The following TOMM34 variants were observed in gnomAD, a reference collection of about 807,000 sequenced individuals.
The protein encoded by TOMM34 is mitochondrial import receptor subunit TOM34.
In TOMM34, 24 loss-of-function variants were observed where a neutral mutation model predicts 37.4. The observed-to-expected ratio is 0.64, with a 90% CI of 0.46 to 0.90. The LOEUF (loss-of-function observed/expected upper bound fraction) is 0.90, where lower values mean the gene tolerates loss of function less well. Among genes scored for constraint, TOMM34 ranks in the 40% least tolerant of loss-of-function variants. TOMM34 has a pLI of 0.00. For missense variants in TOMM34, 304 were observed against 375.6 expected (o/e 0.81, Z 1.58); for synonymous variants, 154 against 148.9 (o/e 1.03, Z -0.25).
At chr20:44,946,098 A>G (rs1409009003) in intron 5 of TOMM34, among the ~76,000 whole-genome samples, 2 of 152,134 alleles carry the variant, frequency 1.3e-5, no homozygotes, top group African/African-American at 4.8e-5. Context: ...ACCTCAAGCA[A>G]TCTGCCCACC....
intron 5 of TOMM34, among the ~76,000 whole-genome samples, chr20:44,944,422 A>C (rs1430363327): frequency 6.6e-6 from 1 of 152,204 alleles, no homozygotes; most frequent in Non-Finnish European, 1.5e-5. Context: ...GTATTCACTA[A>C]GTTGGATGTA....
At position 44,948,816 on chromosome 20, in the gene TOMM34, T is replaced by C; in HGVS notation, c.612A>G (p.Val204=). The C allele has an allele frequency of 1.2e-6, 2 of 1,614,144 alleles. No individual in the cohort carries two copies. The highest frequency in any genetic ancestry group is 2.2e-5 in the South Asian group (2 of 91,086). ...TAGCTTTCTTATGGTTTCCCTTCTT[T>C]ACAAGCTCATTGCCTTCTTCCTTCA... is the stretch of plus-strand genomic sequence containing the variant. ...RVLKEEGNEL[V]KKGNHKKAIE... Residue 204 remains valine (V), a synonymous_variant, in exon 5 of 7, where the codon GTA becomes GTG. Transcript: ENST00000372813.
In TOMM34 at chr20:44,955,217, T is replaced by C. The variant is rs770568980; in HGVS notation, c.231A>G (p.Ala77=). The C allele has an allele frequency of 1.6e-5, 26 of 1,612,914 alleles. No homozygotes were observed. The South Asian group carries it at 1.8e-4, about 11-fold the overall frequency. ...TAATGCTGAAGGGAACCAAGGCCAG[T>C]GCTCTAGAATAGGAGGCAAAAATGT... The part of the protein sequence containing the change: ...CRDCIKDCTS[A]LALVPFSIKP... The change falls in exon 3 of 7, where the codon GCA becomes GCG. Residue 77 remains alanine, a synonymous_variant. Coordinates refer to ENST00000372813, the MANE Select transcript of TOMM34 (RefSeq NM_006809.5).
At chr20:44,957,956 T>C (rs1402086213) in intron 1 of TOMM34, among the ~76,000 whole-genome samples, 1 of 152,160 alleles carries the variant, frequency 6.6e-6, no homozygotes, top group African/African-American at 2.4e-5. Context: ...AAAAATTTTT[T>C]TGATAAGCTA....
intron 3 of TOMM34, among the ~76,000 whole-genome samples, chr20:44,954,383 GT>G (rs755799037): frequency 3.3e-5 from 5 of 152,204 alleles, no homozygotes; most frequent in Non-Finnish European, 4.4e-5. Context: ...AATCAGATAA[GT>G]TAAAAAGGAG....
At chr20:44,949,026 A>G in intron 4 of TOMM34, 149 bp from the exon 5 acceptor site, 7 of 1,053,118 alleles carry the variant, frequency 6.6e-6, no homozygotes, top group Non-Finnish European at 9.2e-6. Context: ...TTCCTGATTA[A>G]TGACTTCCCC....
In TOMM34 at chr20:44,956,389, G is replaced by T; in HGVS notation, c.224C>A (p.Thr75Asn). The change falls in exon 2 of 7, where the codon ACT (threonine) becomes AAT (asparagine). Residue 75 changes from threonine to asparagine, a missense_variant. Coordinates refer to ENST00000372813, the MANE Select transcript of TOMM34 (RefSeq NM_006809.5). ...GNCRDCIKDCTSALALVPFSI... is the reference protein window; with the variant it reads ...GNCRDCIKDCNSALALVPFSI... ...AAAATTACCCTTGGCCACTTACGAA[G>T]TGCAATCTTTGATGCAGTCTCTGCA... The T allele has an allele frequency of 6.2e-7, 1 of 1,614,116 alleles. No homozygotes were observed. The highest frequency in any genetic ancestry group is 8.5e-7 in the Non-Finnish European group (1 of 1,179,978).
In TOMM34 at chr20:44,955,153, C is replaced by T. The variant is rs1232782375; in HGVS notation, c.295G>A (p.Glu99Lys). Residue 99 changes from glutamate to lysine, a missense_variant, in exon 3 of 7, where the codon GAG becomes AAG. By Grantham distance (56) the Glu-to-Lys change is moderately conservative. Coordinates refer to ENST00000372813, the MANE Select transcript of TOMM34 (RefSeq NM_006809.5). Reference sequence around the variant, plus strand: ...TCAACATAGGCCATAGGGTACTTCTCCAGAGCCTCATAAGCAGATGCTCGC... The same window carrying T: ...TCAACATAGGCCATAGGGTACTTCTTCAGAGCCTCATAAGCAGATGCTCGC... The part of the protein sequence containing the change: ...LRRASAYEAL[E>K]KYPMAYVDYK... The T allele has an allele frequency of 6.2e-7, 1 of 1,614,184 alleles. No homozygotes were observed. Among genetic ancestry groups the T allele is most frequent in the Admixed American group, 1.7e-5 (1 of 60,028 alleles).
intron 2 of TOMM34, 166 bp from the exon 3 acceptor site, chr20:44,955,386 G>A (rs567364046): frequency 3.7e-5 from 28 of 748,092 alleles, no homozygotes; most frequent in South Asian, 8.4e-5. Context: ...ATTTTTCAAC[G>A]TAGACTGAAG....
At chr20:44,950,617 G>T (rs2067018243) in intron 4 of TOMM34, among the ~76,000 whole-genome samples, 1 of 152,226 alleles carries the variant, frequency 6.6e-6, no homozygotes, top group African/African-American at 2.4e-5. Context: ...CTGATTGAAA[G>T]AATGAAATCA....
chr20:44,958,470 G>A (rs562360405), intron 1 of TOMM34: 64 of 457,968 alleles, frequency 1.4e-4, no homozygotes, highest in South Asian at 8.0e-4. Context: ...GGTGGAAAGG[G>A]CATCAACCCT....
chr20:44,950,441 T>C (rs1396343571), intron 4 of TOMM34, among the ~76,000 whole-genome samples: 1 of 152,250 alleles, frequency 6.6e-6, no homozygotes, highest in Non-Finnish European at 1.5e-5. Context: ...ACTGTTTACA[T>C]GTCTCAGTCC....
rs1449689989 is a variant in TOMM34, at chr20:44,955,297, G to A, written c.228-77C>T. On this transcript the variant is annotated intron_variant, in intron 2 of 6. Transcript: ENST00000372813. Reference sequence around the variant, plus strand: ...TTCCCTACAGTTTCTTCCAGGCAGGGTTATCTGGAGCACTCAGCGTACAGG... The same window carrying A: ...TTCCCTACAGTTTCTTCCAGGCAGGATTATCTGGAGCACTCAGCGTACAGG... 8 of 1,553,100 alleles carry A rather than the reference G, an allele frequency of 5.2e-6. No individual in the cohort carries two copies. In the East Asian group the frequency reaches 1.8e-4, roughly 35 times the overall value.
Position 44,942,901 on chromosome 20 carries a change from G to A in TOMM34, c.*208C>T. The A allele has an allele frequency of 1.7e-6, 1 of 603,722 alleles. No individual in the cohort carries two copies. Among genetic ancestry groups the A allele is most frequent in the Non-Finnish European group, 3.0e-6 (1 of 337,666 alleles). 37.4% of individuals were successfully genotyped at this position (603,722 alleles called of 1,614,324 possible). ...GCTTAGCTCTAGTGGGGACCTTTCT[G>A]GTGCAACAACCATGTCTGTGTTTGA... is the stretch of plus-strand genomic sequence containing the variant. On this transcript the variant is annotated 3_prime_UTR_variant, in exon 7 of 7. Coordinates refer to ENST00000372813, the MANE Select transcript of TOMM34 (RefSeq NM_006809.5).
Position 44,955,224 on chromosome 20 carries a change from G to C in TOMM34, c.228-4C>G, listed in dbSNP as rs951395399. 1 of 1,611,770 alleles carries C rather than the reference G, an allele frequency of 6.2e-7. No homozygotes were observed. Among genetic ancestry groups the C allele is most frequent in the Non-Finnish European group, 8.5e-7 (1 of 1,178,978 alleles). On this transcript the variant is annotated splice_polypyrimidine_tract_variant and splice_region_variant and intron_variant, in intron 2 of 6. Transcript: ENST00000372813. ...GAAGGGAACCAAGGCCAGTGCTCTA[G>C]AATAGGAGGCAAAAATGTCAACTGG...
At position 44,960,031 on chromosome 20, in the gene TOMM34, T is replaced by A. The variant is rs574846252; in HGVS notation, c.127+176A>T. ...CTTAGGATGGGGGCCAACAGGGCAG[T>A]TAACAAGCAGGTGGAAAGAAAGGGC... On this transcript the variant is annotated intron_variant, in intron 1 of 6. Coordinates refer to ENST00000372813, the MANE Select transcript of TOMM34 (RefSeq NM_006809.5). The A allele has an allele frequency of 1.3e-3, 1,257 of 984,660 alleles. 1 individual carries two copies. Among genetic ancestry groups the A allele is most frequent in the Non-Finnish European group, 1.5e-3 (1,206 of 829,694 alleles). 61.0% of individuals were successfully genotyped at this position (984,660 alleles called of 1,614,324 possible).
intron 3 of TOMM34, among the ~76,000 whole-genome samples, chr20:44,953,678 G>A (rs970731370): frequency 3.3e-5 from 5 of 152,078 alleles, no homozygotes; most frequent in Admixed American, 6.5e-5. Flanking sequence ...AATAATCTGA[G>A]TGTCTTCTTC....
chr20:44,950,569 G>A (rs1194204541), intron 4 of TOMM34, among the ~76,000 whole-genome samples: 1 of 152,166 alleles, frequency 6.6e-6, no homozygotes, highest in Non-Finnish European at 1.5e-5. Flanking sequence ...TCAATGGTAG[G>A]TGCACTGATT....
chr20:44,958,042 G>C (rs1354086800), intron 1 of TOMM34, among the ~76,000 whole-genome samples: 1 of 151,298 alleles, frequency 6.6e-6, no homozygotes, highest in Non-Finnish European at 1.5e-5. Flanking sequence ...CCTGAAGTTG[G>C]TATGTAACAT....
Sources: allele counts gnomAD v4.1 joint callset (sites outside exome capture counted in the v4.1 genomes callset), GRCh38; gene constraint gnomAD v4.1.1; transcripts MANE v1.5; gene names NCBI Gene and HGNC (gene_info 2026-07-23, HGNC 2026-07-21).